ANKRD29: variants seen among roughly 807,000 people sequenced by gnomAD.
ANKRD29 encodes ankyrin repeat domain-containing protein 29.
A neutral mutation model predicts 38.0 loss-of-function variants in ANKRD29; 32 were observed. The observed-to-expected ratio is 0.84, with a 90% confidence interval of 0.64 to 1.13. The LOEUF (loss-of-function observed/expected upper bound fraction) is 1.13. ANKRD29 is among the 50% of genes most tolerant of loss of function. ANKRD29 has a pLI of 0.00. For synonymous variants in ANKRD29, 135 were observed against 152.4 expected (o/e 0.89, Z 0.84); for missense variants, 357 against 377.9 (o/e 0.94, Z 0.46).
intron 4 of ANKRD29, among the ~76,000 whole-genome samples, chr18:23,634,850 C>T (rs1393570828): frequency 1.3e-5 from 2 of 152,180 alleles, no homozygotes; most frequent in African/African-American, 2.4e-5. Context: ...GGCTTCTAGC[C>T]AGAGACTTCC....
chr18:23,611,877 A>C (rs902086354), intron 9 of ANKRD29, among the ~76,000 whole-genome samples: 1 of 152,028 alleles, frequency 6.6e-6, no homozygotes, highest in Non-Finnish European at 1.5e-5. Context: ...AAAAGAAAAA[A>C]AAAAACCATT....
chr18:23,638,325 C>T (rs1031041351), intron 4 of ANKRD29, among the ~76,000 whole-genome samples: 3 of 152,142 alleles, frequency 2.0e-5, no homozygotes, highest in Non-Finnish European at 4.4e-5. Flanking sequence ...GGAAGAACCA[C>T]TATATAGTTT....
intron 8 of ANKRD29, among the ~76,000 whole-genome samples, chr18:23,614,317 C>T (rs2059683745): frequency 6.6e-6 from 1 of 152,184 alleles, no homozygotes; most frequent in Non-Finnish European, 1.5e-5. Context: ...CCACCTTGGC[C>T]TCCCAAAGAG....
At chr18:23,622,911 T>C (rs2059814247) in intron 6 of ANKRD29, among the ~76,000 whole-genome samples, 1 of 152,170 alleles carries the variant, frequency 6.6e-6, no homozygotes, top group Non-Finnish European at 1.5e-5. Context: ...ATAACACTCA[T>C]CAAATATATC....
At chr18:23,637,628 G>A (rs2060019483) in intron 4 of ANKRD29, among the ~76,000 whole-genome samples, 2 of 151,824 alleles carry the variant, frequency 1.3e-5, no homozygotes, top group South Asian at 4.1e-4. Context: ...GAACTCCTGA[G>A]CTCAAACTAT....
chr18:23,634,817 G>A (rs2059982172), intron 4 of ANKRD29, among the ~76,000 whole-genome samples: 1 of 152,148 alleles, frequency 6.6e-6, no homozygotes, highest in Non-Finnish European at 1.5e-5. Flanking sequence ...TCAGTTCTTG[G>A]AATCATCAGA....
chr18:23,645,660 T>C (rs1398525366), intron 3 of ANKRD29, among the ~76,000 whole-genome samples: 3 of 152,214 alleles, frequency 2.0e-5, no homozygotes, highest in Admixed American at 6.5e-5. Flanking sequence ...AGATTGTCCT[T>C]GAATGAAGTG....
At chr18:23,609,093 T>G (rs1046733515) in intron 9 of ANKRD29, 1 of 149,274 alleles carries the variant, frequency 6.7e-6, no homozygotes, top group Non-Finnish European at 1.5e-5. Flanking sequence ...AAATTCTGTT[T>G]CAAAAAAAAA....
intron 7 of ANKRD29, 75 bp downstream of exon 7, chr18:23,619,456 T>G: frequency 2.2e-6 from 3 of 1,378,076 alleles, no homozygotes; most frequent in Non-Finnish European, 2.9e-6. Flanking sequence ...GGCTGCAGAC[T>G]CAGTCAAGAC....
chr18:23,629,996 A>C, intron 5 of ANKRD29, 45 bp from the exon 6 acceptor site: 1 of 1,533,404 alleles, frequency 6.5e-7, no homozygotes, highest in Non-Finnish European at 9.0e-7. Flanking sequence ...TATCTTTCAC[A>C]CTTATTTTAA....
chr18:23,620,591 T>C (rs746332736), intron 6 of ANKRD29, among the ~76,000 whole-genome samples: 11 of 152,070 alleles, frequency 7.2e-5, no homozygotes, highest in Non-Finnish European at 1.5e-4. Context: ...CTGCGTTGAA[T>C]CTCGCGTGTG....
intron 9 of ANKRD29, among the ~76,000 whole-genome samples, chr18:23,603,582 G>A (rs1264855460): frequency 3.9e-5 from 6 of 152,206 alleles, no homozygotes; most frequent in Non-Finnish European, 5.9e-5. Flanking sequence ...GCAGTGAGCT[G>A]AGATCACGCC....
At chr18:23,657,690 C>T (rs2060302792) in intron 1 of ANKRD29, among the ~76,000 whole-genome samples, 1 of 152,210 alleles carries the variant, frequency 6.6e-6, no homozygotes, top group African/African-American at 2.4e-5. Flanking sequence ...CAATATATGG[C>T]ATTCTGTGTC....
intron 9 of ANKRD29, among the ~76,000 whole-genome samples, chr18:23,607,299 A>T (rs918706526): frequency 6.6e-6 from 1 of 152,166 alleles, no homozygotes; most frequent in African/African-American, 2.4e-5. Flanking sequence ...GCAGGAACAG[A>T]TATTGTACAG....
intron 3 of ANKRD29, among the ~76,000 whole-genome samples, chr18:23,644,461 C>A: frequency 6.6e-6 from 1 of 152,212 alleles, no homozygotes; most frequent in East Asian, 1.9e-4. Context: ...TTTCATCCCA[C>A]AGGAAAATTA....
intron 6 of ANKRD29, among the ~76,000 whole-genome samples, chr18:23,624,505 A>T (rs2059838137): frequency 6.7e-6 from 1 of 149,190 alleles, no homozygotes. Flanking sequence ...AAAAAAGGTA[A>T]TAGAACATTT....
intron 2 of ANKRD29, chr18:23,647,287 G>C (rs963461178): frequency 6.6e-6 from 1 of 152,172 alleles, no homozygotes; most frequent in African/African-American, 2.4e-5. Flanking sequence ...TTAAATTACT[G>C]AATGAGATAA....
chr18:23,649,740 T>C (rs971274389), intron 1 of ANKRD29, among the ~76,000 whole-genome samples: 3 of 152,214 alleles, frequency 2.0e-5, no homozygotes, highest in Non-Finnish European at 2.9e-5. Context: ...GTTTGTTTGT[T>C]TTGTTTTTGA....
At chr18:23,644,142 T>C (rs965007123) in intron 3 of ANKRD29, among the ~76,000 whole-genome samples, 1 of 152,350 alleles carries the variant, frequency 6.6e-6, no homozygotes, top group East Asian at 1.9e-4. Context: ...AGAGTTTTCA[T>C]CTCCAAGATT....
Sources: allele counts gnomAD v4.1 joint callset (sites outside exome capture counted in the v4.1 genomes callset), GRCh38; gene constraint gnomAD v4.1.1; transcripts MANE v1.5; gene names NCBI Gene and HGNC (gene_info 2026-07-23, HGNC 2026-07-21).